The following KIF6 variants were observed in gnomAD, a reference collection of about 807,000 sequenced individuals.
KIF6 encodes the protein kinesin family member 6, also known as kinesin-like protein KIF6.
Under a neutral mutation model 112.7 loss-of-function variants are expected in KIF6, and 106 were observed. The ratio of observed to expected loss-of-function variants is 0.94; its 90% CI spans 0.80 to 1.11. The LOEUF (loss-of-function observed/expected upper bound fraction) is 1.11. Among genes scored for constraint, KIF6 ranks in the 50% least tolerant of loss-of-function variants. The pLI, the probability that KIF6 is intolerant of heterozygous loss-of-function variation, is 0.00. For missense variants in KIF6, 929 were observed against 964.0 expected (o/e 0.96, Z 0.48); for synonymous variants, 339 against 339.9 (o/e 1.00, Z 0.03).
rs142617258 is a variant in KIF6, at chr6:39,353,222, A to G, written c.2180+4055T>C. Reference sequence around the variant, plus strand: ...AGAGTTCCTATTGCTCAACATCCTCACTGGCATTTGGAATTGTCATTTTTT... The same window carrying G: ...AGAGTTCCTATTGCTCAACATCCTCGCTGGCATTTGGAATTGTCATTTTTT... On this transcript the variant is annotated intron_variant, in intron 19 of 22. Transcript: ENST00000287152. Among the ~76,000 whole-genome samples the G allele has an allele frequency of 3.8e-3, 584 of 152,238 alleles. 3 individuals carry two copies. The highest frequency in any genetic ancestry group is 0.013 in the African/African-American group (528 of 41,540).
At chr6:39,666,632 T>G (rs989502755) in intron 3 of KIF6, among the ~76,000 whole-genome samples, 3 of 152,196 alleles carry the variant, frequency 2.0e-5, no homozygotes, top group African/African-American at 7.2e-5. Context: ...TTAGCAAGTG[T>G]CTTTGGTCCA....
chr6:39,366,395 A>G (rs1765556043), intron 16 of KIF6, among the ~76,000 whole-genome samples: 1 of 152,216 alleles, frequency 6.6e-6, no homozygotes, highest in Non-Finnish European at 1.5e-5. Flanking sequence ...TCGAGCATTG[A>G]CTATGTGCCT....
intron 6 of KIF6, among the ~76,000 whole-genome samples, chr6:39,610,985 A>G (rs1450480344): frequency 2.0e-5 from 3 of 152,186 alleles, no homozygotes; most frequent in Non-Finnish European, 4.4e-5. Flanking sequence ...TATAATATTA[A>G]ACACTCATCA....
chr6:39,457,942 A>G (rs922780422), intron 13 of KIF6, among the ~76,000 whole-genome samples: 3 of 150,608 alleles, frequency 2.0e-5, no homozygotes, highest in Non-Finnish European at 4.4e-5. Flanking sequence ...TACCAGAGGT[A>G]CAAGGAGGAA....
rs759582753 is a variant in KIF6 at position 39,431,127 on chromosome 6, C to A, written c.1680G>T (p.Glu560Asp). ...MREEMSLGCQEAFEIFKRDHA... is the reference protein window; with the variant it reads ...MREEMSLGCQDAFEIFKRDHA... The stretch of plus-strand genomic sequence containing the variant: ...GGTCCCTCTTGAAGATTTCAAAAGC[C>A]TCCTGGCATCCTAATGACATTTCCT... The change falls in exon 14 of 23, where the codon GAG becomes GAT. Residue 560 changes from glutamate (E) to aspartate (D), a missense_variant. Glu to Asp is a conservative substitution (Grantham distance 45). This residue lies in a region of KIF6 where 241 missense variants were observed against 301.4 expected (regional missense o/e 0.80). Coordinates refer to ENST00000287152, the MANE Select transcript of KIF6 (RefSeq NM_145027.6). 1 of 1,612,264 alleles carries A rather than the reference C, an allele frequency of 6.2e-7. No individual in the cohort carries two copies.
At chr6:39,638,633 C>A (rs1242586848) in intron 4 of KIF6, among the ~76,000 whole-genome samples, 3 of 152,044 alleles carry the variant, frequency 2.0e-5, no homozygotes, top group Non-Finnish European at 2.9e-5. Context: ...CAGATCTCAG[C>A]AATTTCTTCT....
intron 13 of KIF6, among the ~76,000 whole-genome samples, chr6:39,454,956 A>T (rs1340948590): frequency 1.3e-5 from 2 of 151,888 alleles, no homozygotes; most frequent in Non-Finnish European, 2.9e-5. Flanking sequence ...GGCGCCCGCC[A>T]TTGCCCAGGC....
intron 3 of KIF6, among the ~76,000 whole-genome samples, chr6:39,659,278 A>G (rs1313484052): frequency 6.6e-6 from 1 of 152,226 alleles, no homozygotes; most frequent in Non-Finnish European, 1.5e-5. Flanking sequence ...TGCTACATAT[A>G]GAAAATATAT....
intron 5 of KIF6, chr6:39,620,419 T>C (rs1364254145): frequency 6.6e-6 from 1 of 152,230 alleles, no homozygotes; most frequent in Non-Finnish European, 1.5e-5. Context: ...AGGCAATGGA[T>C]TTGTAATTCT....
intron 15 of KIF6, among the ~76,000 whole-genome samples, chr6:39,419,518 C>T (rs1348853895): frequency 1.3e-5 from 2 of 152,152 alleles, no homozygotes; most frequent in African/African-American, 4.8e-5. Context: ...ATCCTTCCAC[C>T]AGCTTATTGA....
chr6:39,664,887 T>G (rs759156305), intron 3 of KIF6, among the ~76,000 whole-genome samples: 10 of 152,164 alleles, frequency 6.6e-5, no homozygotes, highest in Non-Finnish European at 1.2e-4. Flanking sequence ...TTTATTTACA[T>G]TTTTAAAAGG....
At chr6:39,576,191 C>A (rs1404441082) in intron 10 of KIF6, among the ~76,000 whole-genome samples, 1 of 152,028 alleles carries the variant, frequency 6.6e-6, no homozygotes, top group Non-Finnish European at 1.5e-5. Flanking sequence ...ATGGTGCGAT[C>A]TCGGATCACT....
At chr6:39,718,473 G>A (rs55805657) in intron 2 of KIF6, 2,897 of 152,436 alleles carry the variant, frequency 0.019, 44 homozygotes, top group Middle Eastern at 0.044. Context: ...GCCAGGCGCG[G>A]TGGCTCACAC....
chr6:39,650,567 T>TA (rs202104461), intron 3 of KIF6, among the ~76,000 whole-genome samples: 2 of 151,738 alleles, frequency 1.3e-5, no homozygotes, highest in African/African-American at 2.4e-5. Context: ...AATTACATTA[T>TA]AAAAAATGCA....
At chr6:39,407,377 G>A (rs982185304) in intron 15 of KIF6, among the ~76,000 whole-genome samples, 4 of 151,926 alleles carry the variant, frequency 2.6e-5, no homozygotes, top group African/African-American at 9.7e-5. Flanking sequence ...ATGTCTTTTT[G>A]CCTGTTGAGT....
At chr6:39,717,799 C>T (rs1467882663) in intron 2 of KIF6, among the ~76,000 whole-genome samples, 1 of 152,238 alleles carries the variant, frequency 6.6e-6, no homozygotes, top group East Asian at 1.9e-4. Context: ...ATATTTATCT[C>T]TGAACATATG....
At chr6:39,557,188 T>C (rs888361553) in intron 10 of KIF6, among the ~76,000 whole-genome samples, 4 of 152,252 alleles carry the variant, frequency 2.6e-5, no homozygotes, top group African/African-American at 7.2e-5. Flanking sequence ...TAAATCCTTG[T>C]GGGTGTGTTT....
In KIF6 at chr6:39,378,457, C is replaced by T. The variant is rs1455892943; in HGVS notation, c.1861+7165G>A. 6.6e-6 allele frequency among the ~76,000 whole-genome samples: 1 copy of T among 152,102 alleles called. No homozygotes were observed. Among genetic ancestry groups the T allele is most frequent in the Non-Finnish European group, 1.5e-5 (1 of 68,016 alleles). ...CATATATCCATACCACATACACACA[C>T]ACCACATGCCGCATATACACAGCAC... On this transcript the variant is annotated intron_variant, in intron 16 of 22. Transcript: ENST00000287152. This position sits in a 1 kb window ranked among gnomAD's most constrained non-coding sequence, Gnocchi z 5.0.
intron 15 of KIF6, among the ~76,000 whole-genome samples, chr6:39,417,311 A>G (rs1039304405): frequency 5.3e-5 from 8 of 152,158 alleles, no homozygotes; most frequent in African/African-American, 1.9e-4. Flanking sequence ...TTAGAGCACA[A>G]TTTGAAAGAT....
Sources: gnomAD v4.1 joint callset for allele counts (sites outside exome capture counted in the v4.1 genomes callset) on GRCh38, gnomAD v4.1.1 for gene constraint, gnomAD v4.1.1 regional missense constraint, Gnocchi (gnomAD v3.1) non-coding constraint, MANE v1.5 for transcripts, NCBI Gene and HGNC (gene_info 2026-07-23, HGNC 2026-07-21) for gene names.